The following NCKAP5L variants were observed in gnomAD, a reference collection of about 807,000 sequenced individuals.
The protein encoded by NCKAP5L is NCK associated protein 5 like.
In NCKAP5L, 54 loss-of-function variants were observed where a neutral mutation model predicts 103.2. The observed-to-expected ratio is 0.52, with a 90% CI of 0.42 to 0.66. The LOEUF (loss-of-function observed/expected upper bound fraction) is 0.66, where lower values mean the gene tolerates loss of function less well. Among genes scored for constraint, NCKAP5L ranks in the 30% least tolerant of loss-of-function variants. The pLI is 0.00. For synonymous variants in NCKAP5L, 762 were observed against 748.6 expected (o/e 1.02, Z -0.29); for missense variants, 1,733 against 1,750.6 (o/e 0.99, Z 0.18).
intron 1 of NCKAP5L, among the ~76,000 whole-genome samples, chr12:49,807,525 G>A (rs1946193875): frequency 6.6e-6 from 1 of 151,958 alleles, no homozygotes; most frequent in African/African-American, 2.4e-5. Context: ...TGTTAATACT[G>A]TATAATAATC....
chr12:49,795,385 C>T lies in NCKAP5L; in HGVS notation c.2475G>A (p.Lys825=), dbSNP rs369217317. ...PTKLPSKSPT[K]VVPRPGAPLV... ...GCGGAGCCCCAGGTCGAGGCACCAC[C>T]TTGGTTGGTGACTTGGAAGGGAGCT... The change falls in exon 8 of 13, where the codon AAG becomes AAA. Residue 825 remains lysine (K), a synonymous_variant. Transcript: ENST00000335999. 21 of 1,570,572 alleles carry T rather than the reference C, an allele frequency of 1.3e-5. No homozygotes were observed. Among genetic ancestry groups the T allele is most frequent in the African/African-American group, 1.1e-4 (8 of 73,160 alleles).
intron 2 of NCKAP5L, 125 bp downstream of exon 2, chr12:49,805,855 T>C (rs1020667059): frequency 6.6e-6 from 1 of 152,272 alleles, no homozygotes; most frequent in African/African-American, 2.4e-5. Flanking sequence ...TTTTGGACTA[T>C]AGGAGAGAGG....
At chr12:49,810,919 T>C (rs947295457) in intron 1 of NCKAP5L, among the ~76,000 whole-genome samples, 2 of 152,194 alleles carry the variant, frequency 1.3e-5, no homozygotes, top group African/African-American at 4.8e-5. Context: ...ACCAAAAAGT[T>C]GGAGTCATTT....
chr12:49,794,702 G>A (rs1368538747), intron 8 of NCKAP5L, 63 bp downstream of exon 8: 3 of 1,290,674 alleles, frequency 2.3e-6, no homozygotes, highest in Non-Finnish European at 3.1e-6. Context: ...ACGCAGGTGT[G>A]CCCACGAAGG....
chr12:49,827,753 A>AAGG (rs1946435120), intron 1 of NCKAP5L, among the ~76,000 whole-genome samples: 1 of 152,126 alleles, frequency 6.6e-6, no homozygotes, highest in South Asian at 2.1e-4. Flanking sequence ...AAAGCCTTTG[A>AAGG]AGGGGCTGTT....
Position 49,798,341 on chromosome 12 carries a change from C to G in NCKAP5L, c.465+9G>C. Reference sequence around the variant, plus strand: ...GTGGAGTACTGACCACAATACCTAGCCCTCCTACCTCTCTCTGCCCAGCAC... The same window carrying G: ...GTGGAGTACTGACCACAATACCTAGGCCTCCTACCTCTCTCTGCCCAGCAC... On this transcript the variant is annotated intron_variant, in intron 7 of 12. Transcript: ENST00000335999. 6.5e-7 allele frequency: 1 copy of G among 1,550,312 alleles called. No homozygotes were observed. Among genetic ancestry groups the G allele is most frequent in the Middle Eastern group, 1.7e-4 (1 of 5,988 alleles).
intron 1 of NCKAP5L, among the ~76,000 whole-genome samples, chr12:49,823,012 G>T (rs1485376237): frequency 6.6e-6 from 1 of 150,944 alleles, no homozygotes. Flanking sequence ...TGGCCGGTCA[G>T]ATGAATGTGG....
Position 49,797,302 on chromosome 12 carries a change from C to T in NCKAP5L, c.558G>A (p.Lys186=), listed in dbSNP as rs1337456204. Reference sequence around the variant, plus strand: ...TCAGCACCTCCAGAATCTGGGCCTTCTTCCGAAGGAACGGGGATAGGGCAT... The same window carrying T: ...TCAGCACCTCCAGAATCTGGGCCTTTTTCCGAAGGAACGGGGATAGGGCAT... The part of the protein sequence containing the change: ...ALDALSPFLR[K]KAQILEVLRA... Residue 186 remains lysine, a synonymous_variant, in exon 8 of 13, where the codon AAG becomes AAA. Transcript: ENST00000335999. This position sits in a 1 kb window ranked among gnomAD's most constrained non-coding sequence, Gnocchi z 4.5. 3 of 1,613,398 alleles carry T rather than the reference C, an allele frequency of 1.9e-6. No homozygotes were observed. Among genetic ancestry groups the T allele is most frequent in the Non-Finnish European group, 2.5e-6 (3 of 1,179,814 alleles).
rs2136999328 is a variant in NCKAP5L at position 49,795,967 on chromosome 12, G to A, written c.1893C>T (p.Pro631=). Reference sequence around the variant, plus strand: ...TGCCTGGGGTCCTGCGGCCGGGATGGGGAGACTCCGAGCCTGCCTTGTCCA... The same window carrying A: ...TGCCTGGGGTCCTGCGGCCGGGATGAGGAGACTCCGAGCCTGCCTTGTCCA... The part of the protein sequence containing the change: ...KSLDKAGSES[P]HPGRRTPGNS... The change falls in exon 8 of 13, where the codon CCC becomes CCT. Residue 631 remains proline, a synonymous_variant. Transcript: ENST00000335999. 1.3e-6 allele frequency: 2 copies of A among 1,535,336 alleles called. No homozygotes were observed. Among genetic ancestry groups the A allele is most frequent in the Non-Finnish European group, 1.7e-6 (2 of 1,147,830 alleles).
chr12:49,794,742 G>A (rs1468044824), intron 8 of NCKAP5L, 23 bp downstream of exon 8: 3 of 1,457,792 alleles, frequency 2.1e-6, no homozygotes, highest in South Asian at 1.4e-5. Context: ...CCAAGCCCCT[G>A]TTGACTGATC....
chr12:49,795,027 C>A lies in NCKAP5L; in HGVS notation c.2833G>T (p.Gly945Cys). 1 of 1,608,002 alleles carries A rather than the reference C, an allele frequency of 6.2e-7. No individual in the cohort carries two copies. The highest frequency in any genetic ancestry group is 8.5e-7 in the Non-Finnish European group (1 of 1,177,326). The change falls in exon 8 of 13, where the codon GGC becomes TGC. Residue 945 changes from glycine (G) to cysteine (C), a missense_variant. Transcript: ENST00000335999. ...TEATKNKEGA[G>C]GGSPLRREVK... is the part of the protein sequence containing the mutation. ...TCCCTCCGGAGCGGGGAGCCCCCGCCAGCCCCCTCCTTGTTCTTGGTGGCC... is the reference window on the plus strand; with the variant it reads ...TCCCTCCGGAGCGGGGAGCCCCCGCAAGCCCCCTCCTTGTTCTTGGTGGCC...
At position 49,797,360 on chromosome 12, in the gene NCKAP5L, G is replaced by A. The variant is rs1186971286; in HGVS notation, c.500C>T (p.Pro167Leu). Residue 167 changes from proline (P) to leucine (L), a missense_variant, in exon 8 of 13, where the codon CCA becomes CTA. By Grantham distance (98) the Pro-to-Leu change is moderately conservative (BLOSUM62 -3). Coordinates refer to ENST00000335999, the MANE Select transcript of NCKAP5L (RefSeq NM_001037806.4). The surrounding 1 kb of genome is among the most constrained non-coding windows in gnomAD (Gnocchi z 4.5). ...CWEQQLRPGG[P>L]GPPAAPPPAL... ...TGGGGGTGGGGCGGCTGGGGGGCCT[G>A]GGCCTCCTGGCCTCAGCTGCTGCTC... 8 of 1,610,064 alleles carry A rather than the reference G, an allele frequency of 5.0e-6. No individual in the cohort carries two copies. Among genetic ancestry groups the A allele is most frequent in the Non-Finnish European group, 6.8e-6 (8 of 1,178,864 alleles).
In NCKAP5L at chr12:49,794,812, A is replaced by T; in HGVS notation, c.3048T>A (p.Ala1016=). 1 of 1,544,712 alleles carries T rather than the reference A, an allele frequency of 6.5e-7. No homozygotes were observed. The highest frequency in any genetic ancestry group is 8.7e-7 in the Non-Finnish European group (1 of 1,145,308). ...AGGTGTCTGCACCTTGGTACATGCC[A>T]GCCAGCTGGCCCTGCACCTGCCCCA... ...TGLGQVQGQL[A]GMYQGADTFM... Residue 1016 remains alanine (A), a synonymous_variant, in exon 8 of 13, where the codon GCT becomes GCA. Transcript: ENST00000335999.
Position 49,792,893 on chromosome 12 carries a change from G to A in NCKAP5L, c.3434C>T (p.Pro1145Leu). ...GSSGTPSKNLPKTKPPRLDPP... is the reference protein window; with the variant it reads ...GSSGTPSKNLLKTKPPRLDPP... ...ATCCAGCCGCGGTGGCTTGGTCTTA[G>A]GAAGATTCTTGCTGGGGGTCCCACT... The change falls in exon 11 of 13, where the codon CCT becomes CTT. Residue 1145 changes from proline to leucine, a missense_variant. Transcript: ENST00000335999. The surrounding 1 kb of genome is among the most constrained non-coding windows in gnomAD (Gnocchi z 4.5). The A allele has an allele frequency of 6.5e-7, 1 of 1,549,250 alleles. No individual in the cohort carries two copies.
At chr12:49,827,803 C>G (rs773733166) in intron 1 of NCKAP5L, among the ~76,000 whole-genome samples, 20 of 152,324 alleles carry the variant, frequency 1.3e-4, no homozygotes, top group Admixed American at 4.6e-4. Context: ...CCCGCCTTCC[C>G]CAGGCCCTAC....
chr12:49,816,516 A>AAAAAAAAG, intron 1 of NCKAP5L, among the ~76,000 whole-genome samples: 1 of 151,040 alleles, frequency 6.6e-6, no homozygotes, highest in East Asian at 1.9e-4. Flanking sequence ...AAAAAAAAAA[A>AAAAAAAAG]AGGCTGGACG....
intron 4 of NCKAP5L, 22 bp from the exon 5 acceptor site, chr12:49,803,018 G>A: frequency 6.2e-7 from 1 of 1,614,238 alleles, no homozygotes; most frequent in Non-Finnish European, 8.5e-7. Context: ...AAGCCCCGAG[G>A]CAGAGCCATC....
chr12:49,802,783 C>T (rs1166070706), intron 5 of NCKAP5L, 175 bp downstream of exon 5: 1 of 672,628 alleles, frequency 1.5e-6, no homozygotes, highest in Non-Finnish European at 2.5e-6. Context: ...GCTCAGAGAC[C>T]TGGCCTTACC....
At chr12:49,810,522 G>C (rs182452880) in intron 1 of NCKAP5L, among the ~76,000 whole-genome samples, 1 of 152,082 alleles carries the variant, frequency 6.6e-6, no homozygotes, top group African/African-American at 2.4e-5. Context: ...CCCTCTCCAG[G>C]GGTCTGTAAG....
Sources: gnomAD v4.1 joint callset for allele counts (sites outside exome capture counted in the v4.1 genomes callset) on GRCh38, gnomAD v4.1.1 for gene constraint, Gnocchi (gnomAD v3.1) non-coding constraint, MANE v1.5 for transcripts, NCBI Gene and HGNC (gene_info 2026-07-23, HGNC 2026-07-21) for gene names.